Variants in CLMN observed in about 807,000 individuals in gnomAD.
The protein encoded by CLMN is calmin (calponin-like, transmembrane).
Under a neutral mutation model 92.7 loss-of-function variants are expected in CLMN, and 57 were observed. The observed-to-expected ratio is 0.61, with a 90% confidence interval of 0.50 to 0.77. The LOEUF is 0.77. Among genes scored for constraint, CLMN ranks in the 30% least tolerant of loss-of-function variants. The pLI, the probability that CLMN is intolerant of heterozygous loss-of-function variation, is 0.00. For synonymous variants in CLMN, 466 were observed against 470.6 expected, an observed-to-expected ratio of 0.99 and a Z score of 0.13; for missense variants, 1,158 against 1,237.5, an observed-to-expected ratio of 0.94 and a Z score of 0.96.
At chr14:95,317,168 C>T (rs1339675714) in intron 1 of CLMN, among the ~76,000 whole-genome samples, 2 of 150,890 alleles carry the variant, frequency 1.3e-5, no homozygotes, top group Admixed American at 6.6e-5. Flanking sequence ...GGCAGATGCT[C>T]TAACTAAGCT....
intron 1 of CLMN, among the ~76,000 whole-genome samples, chr14:95,286,365 C>G (rs933845572): frequency 6.6e-6 from 1 of 152,142 alleles, no homozygotes; most frequent in African/African-American, 2.4e-5. Context: ...AAACATTATG[C>G]TAAGAAGCCA....
intron 7 of CLMN, 25 bp downstream of exon 7, chr14:95,210,661 G>A: frequency 6.3e-7 from 1 of 1,591,528 alleles, no homozygotes; most frequent in Non-Finnish European, 8.5e-7. Flanking sequence ...AAAATTATTA[G>A]AAAGAAAGAG....
chr14:95,263,969 G>T (rs1899363102), intron 1 of CLMN, among the ~76,000 whole-genome samples: 1 of 151,884 alleles, frequency 6.6e-6, no homozygotes, highest in African/African-American at 2.4e-5. Flanking sequence ...TCCCAACTTG[G>T]TATTCAACAC....
chr14:95,191,706 A>G lies in CLMN; in HGVS notation c.2867T>C (p.Met956Thr), dbSNP rs1243388320. ...TRKANSSGEA[M>T]SLGSHSPQSD... ...CTGCGGGCTGTGGCTCCCCAGTGAC[A>G]TGGCTTCTCCTGAGCTGTTGGCCTT... Residue 956 changes from methionine to threonine, a missense_variant, in exon 13 of 13, where the codon ATG (methionine) becomes ACG (threonine). By Grantham distance (81) the Met-to-Thr change is moderately conservative (BLOSUM62 -1). Transcript: ENST00000298912. The surrounding 1 kb of genome is among the most constrained non-coding windows in gnomAD (Gnocchi z 5.3). The G allele has an allele frequency of 6.2e-7, 1 of 1,611,794 alleles. No individual in the cohort carries two copies. Among genetic ancestry groups the G allele is most frequent in the East Asian group, 2.2e-5 (1 of 44,816 alleles).
chr14:95,278,451 G>A (rs1422407127), intron 1 of CLMN, among the ~76,000 whole-genome samples: 1 of 151,964 alleles, frequency 6.6e-6, no homozygotes, highest in Admixed American at 6.6e-5. Context: ...CACATGAGAG[G>A]ACATAAGATA....
At chr14:95,195,809 TG>T (rs1566857817) in intron 10 of CLMN, among the ~76,000 whole-genome samples, 2 of 138,582 alleles carry the variant, frequency 1.4e-5, no homozygotes, top group Non-Finnish European at 3.3e-5. Flanking sequence ...ATTGTGACGA[TG>T]AGAGAGGGGA....
In CLMN at chr14:95,204,025, G is replaced by A. The variant is rs1214903617; in HGVS notation, c.1324C>T (p.Leu442=). ...TYKDPFCSKN[L]SLCFEGSPRV... The stretch of plus-strand genomic sequence containing the variant: ...GGGCTCCCTTCAAAGCAAAGGGACA[G>A]GTTCTTACTGCAGAAAGGATCCTTG... Residue 442 remains leucine, a synonymous_variant, in exon 9 of 13, where the codon CTG becomes TTG. Transcript: ENST00000298912. 2 of 1,614,088 alleles carry A rather than the reference G, an allele frequency of 1.2e-6. No individual in the cohort carries two copies. The highest frequency in any genetic ancestry group is 1.7e-6 in the Non-Finnish European group (2 of 1,180,044).
Position 95,204,151 on chromosome 14 carries a change from C to G in CLMN, c.1198G>C (p.Glu400Gln). 6.2e-7 allele frequency: 1 copy of G among 1,614,134 alleles called. No homozygotes were observed. Among genetic ancestry groups the G allele is most frequent in the Non-Finnish European group, 8.5e-7 (1 of 1,180,022 alleles). ...AAAATGGAGGATTCTGGAGATGGCT[C>G]ACTGATGTCGCTGGTCTTACCTGGG... ...GGPGKTSDIS[E>Q]PSPESSILSS... is the part of the protein sequence containing the mutation. The change falls in exon 9 of 13, where the codon GAG becomes CAG. Residue 400 changes from glutamate (E) to glutamine (Q), a missense_variant. Transcript: ENST00000298912.
chr14:95,276,471 T>G (rs1195044010), intron 1 of CLMN, among the ~76,000 whole-genome samples: 2 of 152,192 alleles, frequency 1.3e-5, no homozygotes, highest in African/African-American at 4.8e-5. Context: ...ACTTGGGAGC[T>G]GATGGGATTG....
chr14:95,290,034 T>A (rs1566916104), intron 1 of CLMN, among the ~76,000 whole-genome samples: 1 of 152,258 alleles, frequency 6.6e-6, no homozygotes. Context: ...GGATGTCTTT[T>A]GGGAATTCTA....
At chr14:95,309,776 T>C (rs1901450506) in intron 1 of CLMN, among the ~76,000 whole-genome samples, 1 of 152,218 alleles carries the variant, frequency 6.6e-6, no homozygotes, top group Non-Finnish European at 1.5e-5. Context: ...GCTGTGCAAA[T>C]ATCTCCCCAA....
intron 1 of CLMN, among the ~76,000 whole-genome samples, chr14:95,245,799 G>GGATGC (rs1898541825): frequency 1.3e-5 from 2 of 149,554 alleles, no homozygotes; most frequent in African/African-American, 4.9e-5. Flanking sequence ...TGGATTATTG[G>GGATGC]ATGGATGGAT....
Position 95,204,101 on chromosome 14 carries a change from C to T in CLMN, c.1248G>A (p.Arg416=), listed in dbSNP as rs1896971977. 1 of 1,614,136 alleles carries T rather than the reference C, an allele frequency of 6.2e-7. No individual in the cohort carries two copies. The highest frequency in any genetic ancestry group is 8.5e-7 in the Non-Finnish European group (1 of 1,180,034). The part of the protein sequence containing the change: ...SILSSRKENG[R]SNSLPIKKTV... ...TTTTCTTGATCGGCAAAGAGTTGGA[C>T]CTCCCGTTCTCCTTTCTGGATGATA... Residue 416 remains arginine (R), a synonymous_variant, in exon 9 of 13, where the codon AGG becomes AGA. Transcript: ENST00000298912.
chr14:95,202,805 G>A, intron 9 of CLMN, 33 bp downstream of exon 9: 1 of 1,505,012 alleles, frequency 6.6e-7, no homozygotes, highest in Non-Finnish European at 8.9e-7. Flanking sequence ...TCCCAGGCAG[G>A]ACCCAGGGTT....
At chr14:95,253,745 T>C (rs917446919) in intron 1 of CLMN, among the ~76,000 whole-genome samples, 2 of 152,008 alleles carry the variant, frequency 1.3e-5, no homozygotes, top group African/African-American at 4.8e-5. Context: ...CCCCAGTAGC[T>C]GGGACTACAG....
chr14:95,211,071 G>A (rs1231063108), intron 6 of CLMN, among the ~76,000 whole-genome samples, 192 bp from the exon 7 acceptor site: 1 of 152,178 alleles, frequency 6.6e-6, no homozygotes, highest in Non-Finnish European at 1.5e-5. Flanking sequence ...CCAGCCAAAT[G>A]GAATAGGAGG....
chr14:95,299,652 C>T (rs1386397300), intron 1 of CLMN, among the ~76,000 whole-genome samples: 2 of 152,186 alleles, frequency 1.3e-5, no homozygotes, highest in Non-Finnish European at 2.9e-5. Context: ...TACAAAGAGG[C>T]AGAGCCAAGA....
At chr14:95,278,908 C>A (rs986208325) in intron 1 of CLMN, among the ~76,000 whole-genome samples, 2 of 152,128 alleles carry the variant, frequency 1.3e-5, no homozygotes, top group Non-Finnish European at 2.9e-5. Context: ...CCAGCTGTGC[C>A]CGCTTATTAG....
intron 12 of CLMN, 55 bp downstream of exon 12, chr14:95,193,794 G>A (rs1348437449): frequency 6.2e-7 from 1 of 1,604,812 alleles, no homozygotes; most frequent in Non-Finnish European, 8.5e-7. Context: ...GCAGGCTGCA[G>A]AATGTAAAAA....
Sources: gnomAD v4.1 joint callset for allele counts (sites outside exome capture counted in the v4.1 genomes callset) on GRCh38, gnomAD v4.1.1 for gene constraint, Gnocchi (gnomAD v3.1) non-coding constraint, MANE v1.5 for transcripts, NCBI Gene and HGNC (gene_info 2026-07-23, HGNC 2026-07-21) for gene names.